DNAJC21: variants seen among roughly 807,000 people sequenced by gnomAD.
The protein encoded by DNAJC21 is DnaJ heat shock protein family (Hsp40) member C21.
Under a neutral mutation model 72.4 loss-of-function variants are expected in DNAJC21, and 63 were observed. The observed-to-expected ratio is 0.87, with a 90% confidence interval of 0.71 to 1.07. The LOEUF (loss-of-function observed/expected upper bound fraction) is 1.07. Ranked by LOEUF, DNAJC21 falls within the 50% of genes least tolerant of loss-of-function variation. DNAJC21 has a pLI of 0.00. For missense variants in DNAJC21, 634 were observed against 644.8 expected, an observed-to-expected ratio of 0.98 and a Z score of 0.18; for synonymous variants, 203 against 216.7, an observed-to-expected ratio of 0.94 and a Z score of 0.56.
intron 7 of DNAJC21, among the ~76,000 whole-genome samples, chr5:34,941,627 C>T (rs1251066138): frequency 7.8e-6 from 1 of 128,996 alleles, no homozygotes; most frequent in African/African-American, 2.9e-5. Context: ...AGTGCAGTGG[C>T]ACGATCTCAG....
intron 7 of DNAJC21, among the ~76,000 whole-genome samples, 169 bp from the exon 8 acceptor site, chr5:34,944,698 T>C (rs1042542954): frequency 4.6e-5 from 7 of 152,134 alleles, no homozygotes; most frequent in African/African-American, 1.7e-4. Context: ...TCTGTTTCTC[T>C]GTATAAAATC....
Position 34,950,017 on chromosome 5 carries a change from A to G in DNAJC21, c.1186-153A>G, listed in dbSNP as rs114565721. Among the ~76,000 whole-genome samples the G allele has an allele frequency of 5.8e-3, 881 of 152,280 alleles. 8 individuals carry two copies. Among genetic ancestry groups the G allele is most frequent in the African/African-American group, 0.02 (839 of 41,536 alleles). On this transcript the variant is annotated intron_variant, in intron 9 of 11. Transcript: ENST00000648817. Reference sequence around the variant, plus strand: ...TTGGATTCTTTTCAGATTTCCCTTAATTTACTATCACTGTAATGAGCATCC... The same window carrying G: ...TTGGATTCTTTTCAGATTTCCCTTAGTTTACTATCACTGTAATGAGCATCC...
intron 10 of DNAJC21, among the ~76,000 whole-genome samples, chr5:34,953,349 C>A (rs151215407): frequency 3.3e-5 from 5 of 151,938 alleles, no homozygotes; most frequent in Non-Finnish European, 5.9e-5. Flanking sequence ...GCAGTCTCCA[C>A]CTCCTGGGTT....
rs146564466 is a variant in DNAJC21 at position 34,950,245 on chromosome 5, C to G, written c.1261C>G (p.Gln421Glu). Residue 421 changes from glutamine (Q) to glutamate (E), a missense_variant, in exon 10 of 12, where the codon CAA becomes GAA. Transcript: ENST00000648817. ...TGATCCAGAAGATACTAACTTAAAT[C>G]AAGACAGTGCCAAAGAATTGGAAGA... is the stretch of plus-strand genomic sequence containing the variant. ...KVDPEDTNLNQDSAKELEDSP... is the reference protein window; with the variant it reads ...KVDPEDTNLNEDSAKELEDSP... 1.8e-4 allele frequency: 286 copies of G among 1,613,696 alleles called. 1 individual carries two copies. The African/African-American group carries it at 2.6e-3, about 15-fold the overall frequency.
At chr5:34,953,426 A>T (rs1042325398) in intron 10 of DNAJC21, 12 of 151,948 alleles carry the variant, frequency 7.9e-5, no homozygotes. Flanking sequence ...ACGCTCAGCT[A>T]ATTTTTTATA....
Position 34,956,883 on chromosome 5 carries a change from A to G in DNAJC21, c.*2169A>G, listed in dbSNP as rs903007167. ...TCTTATCTCTAACACAGTTATTACCATAATAATATTGTCTCCATTTATCAT... is the reference window on the plus strand; with the variant it reads ...TCTTATCTCTAACACAGTTATTACCGTAATAATATTGTCTCCATTTATCAT... On this transcript the variant is annotated 3_prime_UTR_variant, in exon 12 of 12. Transcript: ENST00000648817. 1.3e-5 allele frequency: 2 copies of G among 152,218 alleles called. No homozygotes were observed. Among genetic ancestry groups the G allele is most frequent in the Non-Finnish European group, 2.9e-5 (2 of 68,046 alleles). The allele number at this position is 152,218 out of a possible 1,614,324, so 9.4% of individuals were successfully genotyped here.
At position 34,933,796 on chromosome 5, in the gene DNAJC21, A is replaced by G. The variant is rs758966195; in HGVS notation, c.98-19A>G. 1.9e-5 allele frequency: 30 copies of G among 1,607,290 alleles called. No individual in the cohort carries two copies. Among genetic ancestry groups the G allele is most frequent in the Non-Finnish European group, 2.4e-5 (28 of 1,175,990 alleles). ...TCCTGTACGTTTTTGATTGACTTAA[A>G]TTTCTGTGACTTTAACAGATAAAAA... On this transcript the variant is annotated intron_variant, in intron 1 of 11. Coordinates refer to ENST00000648817, the MANE Select transcript of DNAJC21 (RefSeq NM_001012339.3).
Position 34,956,170 on chromosome 5 carries a change from A to G in DNAJC21, c.*1456A>G, listed in dbSNP as rs1045039156. On this transcript the variant is annotated 3_prime_UTR_variant, in exon 12 of 12. Coordinates refer to ENST00000648817, the MANE Select transcript of DNAJC21 (RefSeq NM_001012339.3). ...ATCCTTGAATCTTCAGATTAACGAAATGAACAAATTTTCGGTTACAGATCA... is the reference window on the plus strand; with the variant it reads ...ATCCTTGAATCTTCAGATTAACGAAGTGAACAAATTTTCGGTTACAGATCA... 1 of 152,640 alleles carries G rather than the reference A, an allele frequency of 6.6e-6. No individual in the cohort carries two copies. The highest frequency in any genetic ancestry group is 6.5e-5 in the Admixed American group (1 of 15,284). 9.5% of individuals were successfully genotyped at this position (152,640 alleles called of 1,614,324 possible).
At chr5:34,953,708 T>C (rs925170808) in intron 10 of DNAJC21, 2 of 436,154 alleles carry the variant, frequency 4.6e-6, no homozygotes, top group East Asian at 7.8e-5. Flanking sequence ...AGGAAATTCC[T>C]TAATTTTTGT....
intron 8 of DNAJC21, among the ~76,000 whole-genome samples, chr5:34,945,516 T>G (rs1267502587): frequency 2.6e-5 from 4 of 152,240 alleles, no homozygotes; most frequent in African/African-American, 9.6e-5. Context: ...ATCACTATAT[T>G]AAAAGCAGTT....
chr5:34,957,528 A>G lies in DNAJC21; in HGVS notation c.*2814A>G, dbSNP rs1765570760. ...TGGAGGTCAAGTCACATCAGAGTTC[A>G]TGACCTAGTGATTGCTGGTGAAGTA... On this transcript the variant is annotated 3_prime_UTR_variant, in exon 12 of 12. Transcript: ENST00000648817. The G allele has an allele frequency of 6.6e-6, 1 of 152,178 alleles. No homozygotes were observed. Among genetic ancestry groups the G allele is most frequent in the Non-Finnish European group, 1.5e-5 (1 of 68,036 alleles). 9.4% of individuals were successfully genotyped at this position (152,178 alleles called of 1,614,324 possible).
intron 10 of DNAJC21, chr5:34,952,149 G>A (rs1580542289): frequency 1.0e-6 from 1 of 984,322 alleles, no homozygotes; most frequent in Non-Finnish European, 1.2e-6. Flanking sequence ...GTGTGTGTGT[G>A]TATAGTATTT....
intron 4 of DNAJC21, among the ~76,000 whole-genome samples, chr5:34,936,602 C>T (rs534866325): frequency 6.6e-6 from 1 of 152,220 alleles, no homozygotes; most frequent in Non-Finnish European, 1.5e-5. Context: ...AGCCACAGCT[C>T]CCAGCTTCTC....
At chr5:34,945,488 ATAT>A (rs2112074955) in intron 8 of DNAJC21, among the ~76,000 whole-genome samples, 1 of 152,338 alleles carries the variant, frequency 6.6e-6, no homozygotes, top group South Asian at 2.1e-4. Context: ...GTCAACTATA[ATAT>A]TTATAGAACA....
Position 34,956,316 on chromosome 5 carries a change from ATTCTT to A in DNAJC21, c.*1611_*1615del, listed in dbSNP as rs953134020. 2.0e-5 allele frequency: 3 copies of A among 152,448 alleles called. No individual in the cohort carries two copies. Among genetic ancestry groups the A allele is most frequent in the African/African-American group, 4.8e-5 (2 of 41,422 alleles). The allele number at this position is 152,448 out of a possible 1,614,324, so 9.4% of individuals were successfully genotyped here. ...AATAAGCATTTGAACCTTAATTTAA[ATTCTT>A]TTCTTTTCCATTTAGAGATATGTTT... On this transcript the variant is annotated 3_prime_UTR_variant, in exon 12 of 12. Transcript: ENST00000648817.
At chr5:34,937,676 A>G (rs745350731) in intron 5 of DNAJC21, 46 bp downstream of exon 5, 6 of 1,564,790 alleles carry the variant, frequency 3.8e-6, no homozygotes, top group African/African-American at 1.4e-5. Flanking sequence ...GGTGGGGGTC[A>G]GAGGCAGCAC....
intron 7 of DNAJC21, among the ~76,000 whole-genome samples, chr5:34,944,411 C>T (rs1180428648): frequency 6.6e-6 from 1 of 152,198 alleles, no homozygotes; most frequent in Non-Finnish European, 1.5e-5. Flanking sequence ...TCCCAGTGAT[C>T]CCTCCAAGTC....
intron 1 of DNAJC21, among the ~76,000 whole-genome samples, chr5:34,932,900 A>C (rs538922774): frequency 3.3e-4 from 51 of 152,368 alleles, no homozygotes; most frequent in Admixed American, 5.2e-4. Flanking sequence ...AGGTACCATT[A>C]CTTCTGCCAT....
chr5:34,933,934 C>T, intron 2 of DNAJC21, 26 bp downstream of exon 2: 1 of 1,600,276 alleles, frequency 6.2e-7, no homozygotes, highest in Non-Finnish European at 8.5e-7. Context: ...TCCTTCCCAT[C>T]CTAGTTTATG....
Sources: allele counts gnomAD v4.1 joint callset (sites outside exome capture counted in the v4.1 genomes callset), GRCh38; gene constraint gnomAD v4.1.1; transcripts MANE v1.5; gene names NCBI Gene and HGNC (gene_info 2026-07-23, HGNC 2026-07-21).